Variants in DDX60L observed in about 807,000 individuals in gnomAD.
The protein encoded by DDX60L is DExD/H-box 60 like, also known as probable ATP-dependent RNA helicase DDX60-like.
DDX60L carries 191 observed loss-of-function variants against 211.6 expected under a neutral mutation model. The ratio of observed to expected loss-of-function variants is 0.90; its 90% CI spans 0.80 to 1.02. The LOEUF is 1.02. DDX60L is among the 50% of genes least tolerant of loss of function. The probability of loss-of-function intolerance (pLI) is 0.00; values close to 1 mark genes in which losing one functional copy is unlikely to be tolerated. For missense variants in DDX60L, 2,007 were observed against 1,984.1 expected (o/e 1.01, Z -0.22); for synonymous variants, 706 against 694.1 (o/e 1.02, Z -0.27).
chr4:168,435,635 A>G (rs1248534177), intron 10 of DDX60L, among the ~76,000 whole-genome samples: 2 of 152,156 alleles, frequency 1.3e-5, no homozygotes, highest in Non-Finnish European at 2.9e-5. Flanking sequence ...ATTCCTGTTA[A>G]TAAAGACCAC....
chr4:168,366,826 C>T (rs1486612484), intron 36 of DDX60L, among the ~76,000 whole-genome samples: 1 of 151,822 alleles, frequency 6.6e-6, no homozygotes, highest in East Asian at 1.9e-4. Flanking sequence ...GAAATAAATC[C>T]ACACATTTAC....
chr4:168,385,222 G>A (rs573471791), intron 29 of DDX60L, among the ~76,000 whole-genome samples: 3 of 152,266 alleles, frequency 2.0e-5, no homozygotes, highest in East Asian at 1.9e-4. Context: ...TCAAGGTTAA[G>A]TTTATCACCA....
rs754105623 is a variant in DDX60L at position 168,472,700 on chromosome 4, C to G, written c.-1G>C. 1.2e-6 allele frequency: 2 copies of G among 1,613,370 alleles called. No individual in the cohort carries two copies. The highest frequency in any genetic ancestry group is 1.1e-5 in the South Asian group (1 of 90,922). On this transcript the variant is annotated 5_prime_UTR_variant, in exon 2 of 38. Coordinates refer to ENST00000682922, the MANE Select transcript of DDX60L (RefSeq NM_001012967.3). ...ATATCAAAGATTGAGAATTACCCAT[C>G]GTTGCTGCTTCTTGGGCTACAGGGT...
At chr4:168,465,396 A>G (rs1029218744) in intron 4 of DDX60L, among the ~76,000 whole-genome samples, 6 of 152,058 alleles carry the variant, frequency 3.9e-5, no homozygotes, top group African/African-American at 1.2e-4. Context: ...CCTGGATATT[A>G]ATTCCTTGTA....
intron 33 of DDX60L, 36 bp from the exon 34 acceptor site, chr4:168,375,560 C>G: frequency 3.9e-6 from 6 of 1,535,526 alleles, no homozygotes; most frequent in Non-Finnish European, 5.2e-6. Context: ...GATCTCTTTA[C>G]TTTTATTTAA....
intron 4 of DDX60L, among the ~76,000 whole-genome samples, chr4:168,465,002 G>A (rs1757796252): frequency 6.6e-6 from 1 of 151,932 alleles, no homozygotes; most frequent in African/African-American, 2.4e-5. Flanking sequence ...CCTATCCTTT[G>A]AATATATATC....
At chr4:168,450,856 A>G (rs770914208) in intron 8 of DDX60L, among the ~76,000 whole-genome samples, 1 of 152,162 alleles carries the variant, frequency 6.6e-6, no homozygotes, top group African/African-American at 2.4e-5. Flanking sequence ...GCAGTGAGCT[A>G]TGGTCATGCC....
Position 168,415,483 on chromosome 4 carries a change from C to T in DDX60L, c.2904G>A (p.Lys968=). The T allele has an allele frequency of 6.2e-6, 10 of 1,603,218 alleles. No homozygotes were observed. Among genetic ancestry groups the T allele is most frequent in the Non-Finnish European group, 8.5e-6 (10 of 1,173,166 alleles). The change falls in exon 22 of 38, where the codon AAG becomes AAA. Residue 968 remains lysine (K), a synonymous_variant. Coordinates refer to ENST00000682922, the MANE Select transcript of DDX60L (RefSeq NM_001012967.3). The part of the protein sequence containing the change: ...LCGERYNDLE[K]HICSVKHDDV... ...CATCATGTTTTACTGAACATATATG[C>T]TTCTCTAAATCATTGTATCTCTCTC...
At chr4:168,376,323 G>A (rs1741943701) in intron 33 of DDX60L, among the ~76,000 whole-genome samples, 1 of 151,994 alleles carries the variant, frequency 6.6e-6, no homozygotes. Flanking sequence ...TCAAAATTTG[G>A]TAAAAAGGAA....
intron 4 of DDX60L, among the ~76,000 whole-genome samples, chr4:168,464,290 G>T (rs575183589): frequency 5.3e-5 from 8 of 152,166 alleles, no homozygotes; most frequent in Middle Eastern, 3.4e-3. Flanking sequence ...CCCAATAGAT[G>T]TTTAAATTAT....
chr4:168,476,559 G>C (rs1206862564), intron 1 of DDX60L, among the ~76,000 whole-genome samples: 2 of 152,108 alleles, frequency 1.3e-5, no homozygotes, highest in African/African-American at 4.8e-5. Flanking sequence ...TGAAGAAAGA[G>C]AGAGAGAAAG....
At chr4:168,457,415 T>C (rs1294707765) in intron 6 of DDX60L, among the ~76,000 whole-genome samples, 3 of 149,404 alleles carry the variant, frequency 2.0e-5, no homozygotes, top group African/African-American at 7.5e-5. Flanking sequence ...AACTTTCTTA[T>C]GCAACCACCT....
At chr4:168,480,300 A>G (rs1165021004) in intron 1 of DDX60L, 77 bp downstream of exon 1, 1 of 152,190 alleles carries the variant, frequency 6.6e-6, no homozygotes, top group African/African-American at 2.4e-5. Flanking sequence ...CTGGATGTTG[A>G]AGGAATCCTA....
At position 168,461,966 on chromosome 4, in the gene DDX60L, G is replaced by C. The variant is rs1207341859; in HGVS notation, c.339C>G (p.His113Gln). Reference sequence around the variant, plus strand: ...CCGTTTGCACATCAATGTTAGTATTGTGTTGAAGGTGGAGAATTAAAGCGG... The same window carrying C: ...CCGTTTGCACATCAATGTTAGTATTCTGTTGAAGGTGGAGAATTAAAGCGG... Reference protein sequence around the residue: ...LRTALILHLQHNTNIDVQTEF... With the variant: ...LRTALILHLQQNTNIDVQTEF... The change falls in exon 5 of 38, where the codon CAC becomes CAG. Residue 113 changes from histidine (H) to glutamine (Q), a missense_variant. Transcript: ENST00000682922. 6.2e-7 allele frequency: 1 copy of C among 1,613,424 alleles called. No homozygotes were observed. The highest frequency in any genetic ancestry group is 2.2e-5 in the East Asian group (1 of 44,844).
At chr4:168,407,602 G>C (rs1359860933) in intron 22 of DDX60L, among the ~76,000 whole-genome samples, 1 of 152,168 alleles carries the variant, frequency 6.6e-6, no homozygotes, top group East Asian at 1.9e-4. Flanking sequence ...TGTGTACTGT[G>C]AATCTCTAAG....
At chr4:168,416,418 C>T (rs1749570018) in intron 20 of DDX60L, among the ~76,000 whole-genome samples, 2 of 151,548 alleles carry the variant, frequency 1.3e-5, no homozygotes, top group African/African-American at 4.9e-5. Context: ...GGAAATATAT[C>T]TTCAAAAAAA....
rs768124738 is a variant in DDX60L at position 168,472,717 on chromosome 4, C to T, written c.-18G>A. The T allele has an allele frequency of 2.5e-6, 4 of 1,613,144 alleles. No individual in the cohort carries two copies. In the South Asian group the frequency reaches 4.4e-5, roughly 18 times the overall value. ...TTACCCATCGTTGCTGCTTCTTGGG[C>T]TACAGGGTAGAAGAGTAGAGCTGGA... is the stretch of plus-strand genomic sequence containing the variant. On this transcript the variant is annotated 5_prime_UTR_variant, in exon 2 of 38. Transcript: ENST00000682922.
At chr4:168,415,173 C>T (rs1464715940) in intron 22 of DDX60L, among the ~76,000 whole-genome samples, 1 of 151,660 alleles carries the variant, frequency 6.6e-6, no homozygotes, top group Non-Finnish European at 1.5e-5. Flanking sequence ...TTATGCATTG[C>T]ATGTCTGTAT....
At chr4:168,454,740 C>T (rs914525314) in intron 7 of DDX60L, among the ~76,000 whole-genome samples, 1 of 103,322 alleles carries the variant, frequency 9.7e-6, no homozygotes, top group South Asian at 3.3e-4. Context: ...ATGGTGCTCC[C>T]GAAGAGTAAA....
Sources: gnomAD v4.1 joint callset for allele counts (sites outside exome capture counted in the v4.1 genomes callset) on GRCh38, gnomAD v4.1.1 for gene constraint, MANE v1.5 for transcripts, NCBI Gene and HGNC (gene_info 2026-07-23, HGNC 2026-07-21) for gene names.